The following HDAC4 variants were observed in gnomAD, a reference collection of about 807,000 sequenced individuals.
The protein encoded by HDAC4 is histone deacetylase 4.
In HDAC4, 16 loss-of-function variants were observed where a neutral mutation model predicts 135.1. The observed-to-expected ratio is 0.12, with a 90% confidence interval of 0.08 to 0.18. The LOEUF is 0.18. Ranked by LOEUF, HDAC4 falls within the 10% of genes least tolerant of loss-of-function variation. The pLI, the probability that HDAC4 is intolerant of heterozygous loss-of-function variation, is 1.00. For synonymous variants in HDAC4, 685 were observed against 653.4 expected, an observed-to-expected ratio of 1.05 and a Z score of -0.74; for missense variants, 1,143 against 1,511.8, an observed-to-expected ratio of 0.76 and a Z score of 4.05.
intron 1 of HDAC4, among the ~76,000 whole-genome samples, chr2:239,355,863 G>A (rs76317452): frequency 0.018 from 2,726 of 152,228 alleles, 48 homozygotes; most frequent in East Asian, 0.098. Context: ...TGACATGCAC[G>A]GTTCCTAGCC....
At chr2:239,192,543 C>G (rs977143379) in intron 3 of HDAC4, among the ~76,000 whole-genome samples, 1 of 152,182 alleles carries the variant, frequency 6.6e-6, no homozygotes, top group Non-Finnish European at 1.5e-5. Context: ...CGGGGCCTGG[C>G]TTCTTGAAGA....
At chr2:239,073,955 A>C in intron 22 of HDAC4, among the ~76,000 whole-genome samples, 1 of 151,478 alleles carries the variant, frequency 6.6e-6, no homozygotes. Flanking sequence ...CCTAATGGGC[A>C]GCAGGACTGA....
intron 2 of HDAC4, among the ~76,000 whole-genome samples, chr2:239,247,176 G>T (rs1298730189): frequency 1.3e-5 from 2 of 152,216 alleles, no homozygotes; most frequent in Non-Finnish European, 2.9e-5. Flanking sequence ...CGGGCCACCC[G>T]CACAGCCGGG....
intron 3 of HDAC4, among the ~76,000 whole-genome samples, chr2:239,220,614 C>T (rs893798925): frequency 6.6e-6 from 1 of 152,144 alleles, no homozygotes; most frequent in African/African-American, 2.4e-5. Flanking sequence ...AAATCTTCAA[C>T]GACACACAGA....
At position 239,378,040 on chromosome 2, in the gene HDAC4, G is replaced by A. The variant is rs145051609; in HGVS notation, c.-220+22938C>T. Among the ~76,000 whole-genome samples, 7 of 152,306 alleles carry A rather than the reference G, an allele frequency of 4.6e-5. No homozygotes were observed. The East Asian group carries it at 5.8e-4, about 13-fold the overall frequency. On this transcript the variant is annotated intron_variant, in intron 1 of 26. Transcript: ENST00000543185. ...TCCAGGGGAGACGTCGCGTCCTGAG[G>A]CATCCCCTCTGTCCAGCAAACGCGG...
At chr2:239,344,674 C>T (rs925630650) in intron 2 of HDAC4, among the ~76,000 whole-genome samples, 5 of 152,220 alleles carry the variant, frequency 3.3e-5, no homozygotes, top group East Asian at 1.9e-4. Context: ...CGCCCCGTGC[C>T]GGGTGGCTGG....
At chr2:239,264,370 G>A (rs532654127) in intron 2 of HDAC4, among the ~76,000 whole-genome samples, 2 of 152,368 alleles carry the variant, frequency 1.3e-5, no homozygotes, top group Admixed American at 6.5e-5. Context: ...GCGAAAGACC[G>A]TGGGGGCAGG....
At chr2:239,288,296 A>G (rs2051252559) in intron 2 of HDAC4, among the ~76,000 whole-genome samples, 1 of 152,362 alleles carries the variant, frequency 6.6e-6, no homozygotes, top group African/African-American at 2.4e-5. Flanking sequence ...ACAGCTATCC[A>G]TGAACTTAAC....
chr2:239,197,266 AC>A (rs2045455788), intron 3 of HDAC4, among the ~76,000 whole-genome samples: 1 of 151,928 alleles, frequency 6.6e-6, no homozygotes, highest in Non-Finnish European at 1.5e-5. Context: ...TGAAGGCGCA[AC>A]TCTGTTGTCT....
At chr2:239,078,713 G>A (rs868677919) in intron 22 of HDAC4, among the ~76,000 whole-genome samples, 1 of 152,216 alleles carries the variant, frequency 6.6e-6, no homozygotes, top group Admixed American at 6.5e-5. Context: ...CTGGGGAGGG[G>A]GAGTGACCCT....
chr2:239,178,258 T>C (rs1030958675), intron 4 of HDAC4, among the ~76,000 whole-genome samples: 32 of 152,336 alleles, frequency 2.1e-4, no homozygotes, highest in African/African-American at 6.5e-4. Flanking sequence ...CGTTACCAGT[T>C]GTCTCTTGTC....
intron 6 of HDAC4, among the ~76,000 whole-genome samples, chr2:239,161,137 G>C (rs949385326): frequency 6.6e-6 from 1 of 152,094 alleles, no homozygotes; most frequent in Non-Finnish European, 1.5e-5. Context: ...TTAAGTGGGC[G>C]GCTTGTCTTT....
At chr2:239,101,778 C>A (rs1352074582) in intron 16 of HDAC4, among the ~76,000 whole-genome samples, 1 of 152,114 alleles carries the variant, frequency 6.6e-6, no homozygotes, top group East Asian at 1.9e-4. Context: ...GGCCCTCGGT[C>A]TGGGTTCTGT....
intron 1 of HDAC4, among the ~76,000 whole-genome samples, chr2:239,391,735 G>A (rs976002093): frequency 5.9e-5 from 9 of 152,196 alleles, no homozygotes; most frequent in African/African-American, 2.2e-4. Context: ...AGTGTGACGA[G>A]CAGGAGAGAG....
chr2:239,269,647 T>C (rs946014396), intron 2 of HDAC4, among the ~76,000 whole-genome samples: 1 of 152,188 alleles, frequency 6.6e-6, no homozygotes, highest in African/African-American at 2.4e-5. Flanking sequence ...CCGTGCGCTT[T>C]CCTAAAAAGA....
At chr2:239,256,771 T>A (rs956919428) in intron 2 of HDAC4, among the ~76,000 whole-genome samples, 2 of 152,250 alleles carry the variant, frequency 1.3e-5, no homozygotes, top group African/African-American at 4.8e-5. Context: ...AACACTGACT[T>A]GTCACCCTTC....
At chr2:239,398,184 C>T (rs984831736) in intron 1 of HDAC4, among the ~76,000 whole-genome samples, 1 of 152,270 alleles carries the variant, frequency 6.6e-6, no homozygotes, top group African/African-American at 2.4e-5. Flanking sequence ...CTCCTTCGCG[C>T]CCTACATCAG....
rs544282755 is a variant in HDAC4, at chr2:239,135,796, G to A, written c.979-1153C>T. On this transcript the variant is annotated intron_variant, in intron 9 of 26. Transcript: ENST00000543185. ...ACAGAACGGAGGGGCATTGCACACC[G>A]GGATGCTCTGGGGGTTGGGAACGAT... Among the ~76,000 whole-genome samples, 7 of 152,296 alleles carry A rather than the reference G, an allele frequency of 4.6e-5. No homozygotes were observed. In the East Asian group the frequency reaches 5.8e-4, roughly 13 times the overall value.
intron 21 of HDAC4, among the ~76,000 whole-genome samples, chr2:239,081,534 T>C (rs1159255733): frequency 1.3e-5 from 2 of 152,268 alleles, no homozygotes; most frequent in East Asian, 3.8e-4. Context: ...TGGGTCTCTC[T>C]GGGCAGAAAG....
Sources: allele counts gnomAD v4.1 joint callset (sites outside exome capture counted in the v4.1 genomes callset), GRCh38; gene constraint gnomAD v4.1.1; transcripts MANE v1.5; gene names NCBI Gene and HGNC (gene_info 2026-07-23, HGNC 2026-07-21).